Variants in ITPR2 observed in about 807,000 individuals in gnomAD.
ITPR2 encodes the protein inositol 1,4,5-trisphosphate receptor type 2.
ITPR2 carries 207 observed loss-of-function variants against 317.1 expected under a neutral mutation model. The ratio of observed to expected loss-of-function variants is 0.65; its 90% CI spans 0.58 to 0.73. The LOEUF (loss-of-function observed/expected upper bound fraction) is 0.73, where lower values mean the gene tolerates loss of function less well. ITPR2 is among the 30% of genes least tolerant of loss of function. The pLI is 0.00. For synonymous variants in ITPR2, 1,156 were observed against 1,149.1 expected, an observed-to-expected ratio of 1.01 and a Z score of -0.12; for missense variants, 2,613 against 3,284.0, an observed-to-expected ratio of 0.80 and a Z score of 4.99.
rs1330163444 is a variant in ITPR2 at position 26,632,116 on chromosome 12, A to G, written c.2741-57T>C. On this transcript the variant is annotated intron_variant, in intron 21 of 56. Transcript: ENST00000381340. Reference sequence around the variant, plus strand: ...CACAACCCCTGGAGATCATGTAACTATAAAACTCAGTTAGTCACAACCACA... The same window carrying G: ...CACAACCCCTGGAGATCATGTAACTGTAAAACTCAGTTAGTCACAACCACA... The G allele has an allele frequency of 5.0e-6, 7 of 1,389,466 alleles. No homozygotes were observed. In the African/African-American group the frequency reaches 8.8e-5, roughly 17 times the overall value. 86.1% of individuals were successfully genotyped at this position (1,389,466 alleles called of 1,614,324 possible). A position where few individuals can be genotyped will look rare whatever the true frequency, so the allele number is the denominator to read the frequency against.
intron 55 of ITPR2, among the ~76,000 whole-genome samples, chr12:26,379,800 G>A (rs1156310461): frequency 6.6e-6 from 1 of 152,182 alleles, no homozygotes; most frequent in Non-Finnish European, 1.5e-5. Flanking sequence ...GAAGTACAGA[G>A]GAGATAAGTA....
At chr12:26,400,704 T>C (rs927854421) in intron 52 of ITPR2, 1 of 152,378 alleles carries the variant, frequency 6.6e-6, no homozygotes, top group African/African-American at 2.4e-5. Context: ...CTCACATTCG[T>C]TGTGCTTGTT....
At chr12:26,624,024 C>T (rs1946561619) in intron 24 of ITPR2, among the ~76,000 whole-genome samples, 4 of 152,100 alleles carry the variant, frequency 2.6e-5, no homozygotes, top group Admixed American at 2.6e-4. Context: ...CATTCTTGGG[C>T]TGTCATTATT....
intron 28 of ITPR2, 68 bp from the exon 29 acceptor site, chr12:26,600,177 C>G (rs1230748346): frequency 1.3e-5 from 18 of 1,379,198 alleles, no homozygotes; most frequent in Non-Finnish European, 1.8e-5. Context: ...GCAAAAATCT[C>G]TCCTTCACCC....
chr12:26,453,859 A>C (rs1941806578), intron 45 of ITPR2, among the ~76,000 whole-genome samples: 1 of 152,198 alleles, frequency 6.6e-6, no homozygotes, highest in African/African-American at 2.4e-5. Flanking sequence ...GCGAGTATGA[A>C]ATATTCTTCA....
At chr12:26,778,278 A>G (rs2137171061) in intron 2 of ITPR2, among the ~76,000 whole-genome samples, 1 of 152,312 alleles carries the variant, frequency 6.6e-6, no homozygotes, top group South Asian at 2.1e-4. Context: ...GATTGCGGAG[A>G]TTAGTGCCAC....
intron 2 of ITPR2, among the ~76,000 whole-genome samples, chr12:26,777,618 T>C (rs1263034535): frequency 2.0e-5 from 3 of 152,130 alleles, no homozygotes; most frequent in South Asian, 2.1e-4. Flanking sequence ...AGAAGTAAAA[T>C]TGATAAATGC....
chr12:26,727,569 T>C (rs1011378247), intron 2 of ITPR2, among the ~76,000 whole-genome samples: 1 of 152,024 alleles, frequency 6.6e-6, no homozygotes, highest in Non-Finnish European at 1.5e-5. Context: ...CTTTGGGGAG[T>C]CAGCAAACTG....
intron 9 of ITPR2, among the ~76,000 whole-genome samples, chr12:26,704,601 T>G (rs967271137): frequency 1.1e-4 from 14 of 127,256 alleles, no homozygotes; most frequent in African/African-American, 3.0e-4. Flanking sequence ...TAGTTATTAA[T>G]AATGATAATA....
intron 2 of ITPR2, among the ~76,000 whole-genome samples, chr12:26,759,773 G>A (rs1427837080): frequency 6.6e-6 from 1 of 152,188 alleles, no homozygotes; most frequent in Non-Finnish European, 1.5e-5. Flanking sequence ...CTAGTGATTA[G>A]TGACAACTCT....
chr12:26,376,218 A>G (rs1318480746), intron 55 of ITPR2, among the ~76,000 whole-genome samples: 1 of 152,220 alleles, frequency 6.6e-6, no homozygotes, highest in Admixed American at 6.5e-5. Flanking sequence ...CTAACTTACA[A>G]TTGTGGAGGT....
At position 26,427,946 on chromosome 12, in the gene ITPR2, A is replaced by C; in HGVS notation, c.6912T>G (p.Leu2304=). 6.2e-7 allele frequency: 1 copy of C among 1,608,602 alleles called. No homozygotes were observed. Among genetic ancestry groups the C allele is most frequent in the Non-Finnish European group, 8.5e-7 (1 of 1,177,608 alleles). ...CACCAAGAAGTATTAATGTAGGCCC[A>C]AGACCTATTGTATATATTGATCTGA... ...IMLRSIYTIG[L]GPTLILLGAA... The change falls in exon 49 of 57, where the codon CTT becomes CTG. Residue 2304 remains leucine (L), a synonymous_variant. Coordinates refer to ENST00000381340, the MANE Select transcript of ITPR2 (RefSeq NM_002223.4).
chr12:26,790,191 G>A lies in ITPR2; in HGVS notation c.129C>T (p.Ala43=), dbSNP rs751782210. 1.5e-5 allele frequency: 24 copies of A among 1,613,778 alleles called. No individual in the cohort carries two copies. Among genetic ancestry groups the A allele is most frequent in the South Asian group, 8.8e-5 (8 of 91,072 alleles). Residue 43 remains alanine, a synonymous_variant, in exon 2 of 57, where the codon GCC becomes GCT. Coordinates refer to ENST00000381340, the MANE Select transcript of ITPR2 (RefSeq NM_002223.4). ...VDDRCVVHPE[A]GDLANPPKKF... is the part of the protein sequence containing the mutation. ...TCTTGGGAGGGTTGGCAAGGTCCCC[G>A]GCCTCTGGGTGCACCACACATCTGT...
chr12:26,609,798 C>T (rs1385558357), intron 26 of ITPR2, among the ~76,000 whole-genome samples: 1 of 152,086 alleles, frequency 6.6e-6, no homozygotes, highest in African/African-American at 2.4e-5. Flanking sequence ...ATAATTGTTA[C>T]ATTTAAGAAT....
Position 26,659,289 on chromosome 12 carries a change from C to G in ITPR2, c.1714-4G>C. ...AGAAATTCTTAGCAATATATTCCTG[C>G]AAAGAAGAAAGGCTGTCAGAATGCA... is the stretch of plus-strand genomic sequence containing the variant. On this transcript the variant is annotated splice_polypyrimidine_tract_variant and splice_region_variant and intron_variant, in intron 15 of 56. Transcript: ENST00000381340. The G allele has an allele frequency of 2.7e-5, 43 of 1,612,362 alleles. No homozygotes were observed. Among genetic ancestry groups the G allele is most frequent in the Non-Finnish European group, 3.6e-5 (42 of 1,179,534 alleles).
chr12:26,646,560 CATAG>C (rs1207411625), intron 21 of ITPR2, among the ~76,000 whole-genome samples: 2 of 152,158 alleles, frequency 1.3e-5, no homozygotes, highest in African/African-American at 4.8e-5. Flanking sequence ...TACTCCTGGA[CATAG>C]ATAGATTCAA....
chr12:26,369,629 T>G (rs1939123670), intron 55 of ITPR2, among the ~76,000 whole-genome samples: 1 of 152,210 alleles, frequency 6.6e-6, no homozygotes, highest in Admixed American at 6.5e-5. Context: ...TAATAAAGAC[T>G]TATACTAGTT....
chr12:26,438,034 C>T (rs1941400926), intron 47 of ITPR2, among the ~76,000 whole-genome samples: 1 of 152,130 alleles, frequency 6.6e-6, no homozygotes, highest in Non-Finnish European at 1.5e-5. Flanking sequence ...ATCTCCTGAC[C>T]TCATGATCTG....
chr12:26,439,000 G>T, intron 47 of ITPR2, 127 bp downstream of exon 47: 1 of 632,560 alleles, frequency 1.6e-6, no homozygotes, highest in Non-Finnish European at 2.7e-6. Context: ...GACTGCAAGT[G>T]ATTTCAGTAA....
Sources: gnomAD v4.1 joint callset for allele counts (sites outside exome capture counted in the v4.1 genomes callset) on GRCh38, gnomAD v4.1.1 for gene constraint, MANE v1.5 for transcripts, NCBI Gene and HGNC (gene_info 2026-07-23, HGNC 2026-07-21) for gene names.